CTNNA2: variants seen among roughly 807,000 people sequenced by gnomAD.
CTNNA2 encodes the protein catenin alpha-2.
In CTNNA2, 42 loss-of-function variants were observed where a neutral mutation model predicts 101.0. That is an observed-to-expected ratio of 0.42 (90% CI 0.32 to 0.54). CTNNA2 has a LOEUF of 0.54. Among genes scored for constraint, CTNNA2 ranks in the 20% least tolerant of loss-of-function variants. CTNNA2 has a pLI of 0.14. For missense variants in CTNNA2, 871 were observed against 1,223.1 expected (o/e 0.71, Z 4.29); for synonymous variants, 450 against 456.4 (o/e 0.99, Z 0.18).
chr2:80,003,820 C>T (rs1302061429), intron 7 of CTNNA2, among the ~76,000 whole-genome samples: 1 of 152,118 alleles, frequency 6.6e-6, no homozygotes, highest in Admixed American at 6.5e-5. Flanking sequence ...TTCTGGGGAT[C>T]ACATGAGGGA....
chr2:80,213,619 G>A (rs1271860415), intron 7 of CTNNA2, among the ~76,000 whole-genome samples: 4 of 152,206 alleles, frequency 2.6e-5, no homozygotes, highest in African/African-American at 9.6e-5. Flanking sequence ...TTGCTGAGGA[G>A]TGCTTTACTT....
intron 7 of CTNNA2, among the ~76,000 whole-genome samples, chr2:80,034,351 TTTC>T (rs200318648): frequency 1.3e-3 from 120 of 91,128 alleles, no homozygotes; most frequent in African/African-American, 2.4e-3. Flanking sequence ...TTCATTTTTT[TTTC>T]TTTTTTTTTT....
chr2:79,596,607 G>A (rs1417459902), intron 1 of CTNNA2, among the ~76,000 whole-genome samples: 1 of 152,196 alleles, frequency 6.6e-6, no homozygotes, highest in East Asian at 1.9e-4. Context: ...TTGTCAGAGA[G>A]CATCTGCAAA....
intron 2 of CTNNA2, among the ~76,000 whole-genome samples, chr2:79,263,392 C>G (rs1406710714): frequency 2.6e-5 from 4 of 152,090 alleles, no homozygotes; most frequent in African/African-American, 4.8e-5. Context: ...CTGTCTTGCT[C>G]CCTCTCTGGC....
chr2:80,288,366 A>T (rs922375790), intron 7 of CTNNA2: 4 of 152,288 alleles, frequency 2.6e-5, no homozygotes, highest in African/African-American at 9.6e-5. Flanking sequence ...TTACACTTGT[A>T]TTAACATTCT....
At chr2:80,349,666 C>T (rs1174870499) in intron 7 of CTNNA2, among the ~76,000 whole-genome samples, 2 of 152,018 alleles carry the variant, frequency 1.3e-5, no homozygotes, top group Non-Finnish European at 2.9e-5. Flanking sequence ...TAGATTCTAC[C>T]CTTTCTTCTG....
chr2:79,323,850 C>T (rs920791917), intron 3 of CTNNA2, among the ~76,000 whole-genome samples: 2 of 152,058 alleles, frequency 1.3e-5, no homozygotes, highest in Non-Finnish European at 2.9e-5. Context: ...CTTCTTCTTA[C>T]CTATGGCCAT....
At chr2:80,492,996 A>C (rs1687181635) in intron 9 of CTNNA2, among the ~76,000 whole-genome samples, 1 of 152,152 alleles carries the variant, frequency 6.6e-6, no homozygotes, top group Non-Finnish European at 1.5e-5. Context: ...AGAGACCATA[A>C]TTTTCACCTC....
rs1698957534 is a variant in CTNNA2, at chr2:80,617,590, T to TTAAAG, written c.2431-1495_2431-1494insTAAAG. Among the ~76,000 whole-genome samples, 3 of 151,784 alleles carry TTAAAG rather than the reference T, an allele frequency of 2.0e-5. No homozygotes were observed. The South Asian group carries it at 6.2e-4, about 31-fold the overall frequency. On this transcript the variant is annotated intron_variant, in intron 17 of 18. Transcript: ENST00000402739. Reference sequence around the variant, plus strand: ...ACTTTTTTTTCTTTTCTATTTACTTTAATTCTTTAAAGACATTCTTTAAAT... The same window carrying TTAAAG: ...ACTTTTTTTTCTTTTCTATTTACTTTTAAAGAATTCTTTAAAGACATTCTTTAAAT...
At chr2:80,544,456 C>A (rs544818896) in intron 9 of CTNNA2, among the ~76,000 whole-genome samples, 19 of 152,128 alleles carry the variant, frequency 1.2e-4, no homozygotes, top group African/African-American at 4.6e-4. Context: ...TTACATTGCT[C>A]ATAACAGCTG....
At chr2:80,050,552 T>TG (rs1696811682) in intron 7 of CTNNA2, among the ~76,000 whole-genome samples, 1 of 152,140 alleles carries the variant, frequency 6.6e-6, no homozygotes, top group East Asian at 1.9e-4. Context: ...GCTGGGTGTA[T>TG]GAGAAGTCAG....
At chr2:79,810,388 G>T (rs978552453) in intron 3 of CTNNA2, among the ~76,000 whole-genome samples, 1 of 151,924 alleles carries the variant, frequency 6.6e-6, no homozygotes, top group African/African-American at 2.4e-5. Context: ...GAACAGTATG[G>T]GGGAAACCGC....
intron 1 of CTNNA2, among the ~76,000 whole-genome samples, chr2:79,632,706 C>T (rs1480510787): frequency 2.0e-5 from 3 of 152,174 alleles, no homozygotes; most frequent in South Asian, 2.1e-4. Context: ...CTCCATTAAA[C>T]AATGCTGGCC....
chr2:80,621,676 T>C (rs1671138451), intron 18 of CTNNA2, among the ~76,000 whole-genome samples: 1 of 151,912 alleles, frequency 6.6e-6, no homozygotes, highest in South Asian at 2.1e-4. Context: ...AAATTACCTA[T>C]GTAATATTGC....
At chr2:80,447,332 A>C (rs1181314991) in intron 9 of CTNNA2, among the ~76,000 whole-genome samples, 2 of 152,194 alleles carry the variant, frequency 1.3e-5, no homozygotes, top group Admixed American at 6.5e-5. Context: ...CATGAAACTC[A>C]GGAGCAAGAA....
At chr2:80,060,880 A>G (rs1697554874) in intron 7 of CTNNA2, among the ~76,000 whole-genome samples, 1 of 152,186 alleles carries the variant, frequency 6.6e-6, no homozygotes, top group Admixed American at 6.5e-5. Context: ...GGTTGAAGGA[A>G]GCTGCTTTGC....
chr2:79,187,638 A>G (rs939335652), intron 1 of CTNNA2, among the ~76,000 whole-genome samples: 1 of 152,138 alleles, frequency 6.6e-6, no homozygotes, highest in African/African-American at 2.4e-5. Context: ...TTTAATTGTT[A>G]CTTAAAATGT....
intron 7 of CTNNA2, among the ~76,000 whole-genome samples, chr2:80,060,901 A>G (rs1422462155): frequency 6.6e-6 from 1 of 152,158 alleles, no homozygotes; most frequent in Admixed American, 6.5e-5. Flanking sequence ...CCAGGGTTAT[A>G]TGAACCCACA....
intron 7 of CTNNA2, among the ~76,000 whole-genome samples, chr2:80,078,938 C>A (rs1558786972): frequency 6.6e-6 from 1 of 152,128 alleles, no homozygotes; most frequent in Non-Finnish European, 1.5e-5. Context: ...TTATTTGATT[C>A]CTCCTTTGAA....
Sources: gnomAD v4.1 joint callset for allele counts (sites outside exome capture counted in the v4.1 genomes callset) on GRCh38, gnomAD v4.1.1 for gene constraint, MANE v1.5 for transcripts, NCBI Gene and HGNC (gene_info 2026-07-23, HGNC 2026-07-21) for gene names.